Variants in GRIN2B observed in about 807,000 individuals in gnomAD.
The protein encoded by GRIN2B is glutamate receptor ionotropic, NMDA 2B.
Under a neutral mutation model 114.5 loss-of-function variants are expected in GRIN2B, and 5 were observed. The ratio of observed to expected loss-of-function variants is 0.04; its 90% CI spans 0.02 to 0.09. GRIN2B has a LOEUF of 0.09. GRIN2B is among the 10% of genes least tolerant of loss of function. GRIN2B has a pLI of 1.00. For synonymous variants in GRIN2B, 787 were observed against 745.1 expected, an observed-to-expected ratio of 1.06 and a Z score of -0.92; for missense variants, 1,108 against 1,943.5, an observed-to-expected ratio of 0.57 and a Z score of 8.08.
chr12:13,882,752 T>C (rs925326194), intron 2 of GRIN2B, among the ~76,000 whole-genome samples: 7 of 152,220 alleles, frequency 4.6e-5, no homozygotes, highest in Admixed American at 1.3e-4. Flanking sequence ...TGAAAATCTT[T>C]TAAGATCCAG....
chr12:13,904,990 A>G (rs1866514249), intron 2 of GRIN2B, among the ~76,000 whole-genome samples: 1 of 152,114 alleles, frequency 6.6e-6, no homozygotes, highest in Admixed American at 6.6e-5. Flanking sequence ...GGCCTTTTGA[A>G]TCTGTAGATT....
chr12:13,612,427 T>C (rs1375462933), intron 8 of GRIN2B, among the ~76,000 whole-genome samples: 1 of 152,230 alleles, frequency 6.6e-6, no homozygotes, highest in Non-Finnish European at 1.5e-5. Context: ...CTTTGATGTA[T>C]TGTATGTTAT....
At chr12:13,779,202 C>G (rs1017807082) in intron 3 of GRIN2B, among the ~76,000 whole-genome samples, 2 of 152,160 alleles carry the variant, frequency 1.3e-5, no homozygotes, top group Non-Finnish European at 2.9e-5. Flanking sequence ...CACCACCACA[C>G]CCAGCTAATT....
intron 2 of GRIN2B, among the ~76,000 whole-genome samples, chr12:13,919,328 GATTAAA>G (rs1409435493): frequency 6.6e-6 from 1 of 152,082 alleles, no homozygotes; most frequent in Non-Finnish European, 1.5e-5. Flanking sequence ...TCAAGTTAGG[GATTAAA>G]AACTCCTATT....
intron 3 of GRIN2B, among the ~76,000 whole-genome samples, chr12:13,765,802 C>T (rs1055582198): frequency 4.6e-5 from 7 of 152,180 alleles, no homozygotes; most frequent in African/African-American, 9.7e-5. Context: ...CCAGGGTAAC[C>T]GCTGGAAAGA....
chr12:13,711,260 A>C (rs1432638301), intron 4 of GRIN2B, among the ~76,000 whole-genome samples: 1 of 151,960 alleles, frequency 6.6e-6, no homozygotes, highest in Non-Finnish European at 1.5e-5. Context: ...TGTTAGACCT[A>C]AAACCATAAA....
intron 3 of GRIN2B, among the ~76,000 whole-genome samples, chr12:13,770,702 G>T (rs1290917054): frequency 6.6e-6 from 1 of 152,098 alleles, no homozygotes; most frequent in Non-Finnish European, 1.5e-5. Context: ...GGTGTGTGTT[G>T]TTCCCCTCCC....
At position 13,608,591 on chromosome 12, in the gene GRIN2B, T is replaced by C; in HGVS notation, c.2010+12A>G. 1 of 1,575,298 alleles carries C rather than the reference T, an allele frequency of 6.3e-7. No homozygotes were observed. The highest frequency in any genetic ancestry group is 8.7e-7 in the Non-Finnish European group (1 of 1,144,782). On this transcript the variant is annotated intron_variant, in intron 10 of 13. Transcript: ENST00000609686. ...TGAGGGAAAGACGGGAGATTTCAAA[T>C]GAGTCTCTTACCTTTTTGTCGCTCA...
intron 5 of GRIN2B, 144 bp downstream of exon 5, chr12:13,675,601 A>G (rs1417757911): frequency 4.4e-6 from 3 of 684,758 alleles, no homozygotes; most frequent in East Asian, 2.6e-5. Context: ...AGTTTGAGAA[A>G]TGGCTTCTCC....
chr12:13,897,072 C>A (rs906297481), intron 2 of GRIN2B, among the ~76,000 whole-genome samples: 4 of 152,136 alleles, frequency 2.6e-5, no homozygotes, highest in Non-Finnish European at 5.9e-5. Flanking sequence ...CTCCTTCTCT[C>A]GCCCTTTTCA....
rs1237216301 is a variant in GRIN2B at position 13,573,445 on chromosome 12, C to T, written c.2011-1481G>A. On this transcript the variant is annotated intron_variant, in intron 10 of 13. Coordinates refer to ENST00000609686, the MANE Select transcript of GRIN2B (RefSeq NM_000834.5). ...CAGCCTGGGCTACACAGAGAGACTC[C>T]GTCTCAAAAATAAAGTGCTTGGCAC... Among the ~76,000 whole-genome samples, 9 of 149,076 alleles carry T rather than the reference C, an allele frequency of 6.0e-5. 1 individual carries two copies. Among genetic ancestry groups the T allele is most frequent in the East Asian group, 3.9e-4 (2 of 5,178 alleles).
intron 3 of GRIN2B, among the ~76,000 whole-genome samples, chr12:13,767,061 C>T (rs1291963675): frequency 6.6e-6 from 1 of 151,960 alleles, no homozygotes; most frequent in Non-Finnish European, 1.5e-5. Context: ...ACAAGACCAT[C>T]GTGGCTAACA....
At chr12:13,605,544 CTCTCTCTG>C (rs1159294926) in intron 10 of GRIN2B, among the ~76,000 whole-genome samples, 9 of 77,296 alleles carry the variant, frequency 1.2e-4, no homozygotes, top group Admixed American at 7.9e-4. Context: ...CTCTCTCTCT[CTCTCTCTG>C]ACACACACAC....
intron 3 of GRIN2B, among the ~76,000 whole-genome samples, chr12:13,816,420 T>C (rs939553205): frequency 1.8e-4 from 28 of 152,256 alleles, no homozygotes; most frequent in African/African-American, 5.8e-4. Flanking sequence ...CTCCTTTTTT[T>C]CCCCCATTTT....
chr12:13,921,533 C>T (rs914653994), intron 2 of GRIN2B, among the ~76,000 whole-genome samples: 2 of 152,174 alleles, frequency 1.3e-5, no homozygotes, highest in Non-Finnish European at 2.9e-5. Flanking sequence ...TCTGTAATTT[C>T]GAGTATCTTG....
chr12:13,730,133 A>G (rs1348257079), intron 4 of GRIN2B, among the ~76,000 whole-genome samples: 2 of 152,040 alleles, frequency 1.3e-5, no homozygotes, highest in African/African-American at 2.4e-5. Context: ...TGCCATCCCC[A>G]GGCTGGGGTC....
intron 4 of GRIN2B, among the ~76,000 whole-genome samples, chr12:13,750,237 T>C (rs942537437): frequency 6.6e-6 from 1 of 152,172 alleles, no homozygotes; most frequent in African/African-American, 2.4e-5. Flanking sequence ...AAGACGGATG[T>C]GGGCCTCTAG....
At position 13,884,950 on chromosome 12, in the gene GRIN2B, T is replaced by C. The variant is rs746108318; in HGVS notation, c.-18-18724A>G. ...GGAGTTGTGCACTTAAATTAGCACA[T>C]GTAGTGGTTATTTTGGTTAGAGTTT... On this transcript the variant is annotated intron_variant, in intron 2 of 13. Transcript: ENST00000609686. Among the ~76,000 whole-genome samples, 3 of 152,232 alleles carry C rather than the reference T, an allele frequency of 2.0e-5. No homozygotes were observed. The East Asian group carries it at 5.8e-4, about 29-fold the overall frequency.
At chr12:13,607,749 T>A (rs1483657652) in intron 10 of GRIN2B, among the ~76,000 whole-genome samples, 1 of 151,318 alleles carries the variant, frequency 6.6e-6, no homozygotes, top group Non-Finnish European at 1.5e-5. Context: ...TGGAAAAATA[T>A]CACATTTTCT....
Sources: allele counts gnomAD v4.1 joint callset (sites outside exome capture counted in the v4.1 genomes callset), GRCh38; gene constraint gnomAD v4.1.1; transcripts MANE v1.5; gene names NCBI Gene and HGNC (gene_info 2026-07-23, HGNC 2026-07-21).